The following TTLL12 variants were observed in gnomAD, a reference collection of about 807,000 sequenced individuals.
The protein encoded by TTLL12 is tubulin tyrosine ligase like 12.
In TTLL12, 77 loss-of-function variants were observed where a neutral mutation model predicts 79.6. That is an observed-to-expected ratio of 0.97 (90% CI 0.81 to 1.17). The LOEUF (loss-of-function observed/expected upper bound fraction) is 1.17, where lower values mean the gene tolerates loss of function less well. Ranked by LOEUF, TTLL12 falls within the 50% of genes most tolerant of loss-of-function variation. The probability of loss-of-function intolerance (pLI) is 0.00; values close to 1 mark genes in which losing one functional copy is unlikely to be tolerated. For missense variants in TTLL12, 969 were observed against 895.9 expected (o/e 1.08, Z -1.04); for synonymous variants, 437 against 376.1 (o/e 1.16, Z -1.87).
chr22:43,168,918 G>A lies in TTLL12; in HGVS notation c.1645-6C>T. On this transcript the variant is annotated splice_polypyrimidine_tract_variant and splice_region_variant and intron_variant, in intron 12 of 13. Coordinates refer to ENST00000216129, the MANE Select transcript of TTLL12 (RefSeq NM_015140.4). Reference sequence around the variant, plus strand: ...AAGGCCCGGAAGATCTCAGCCTGGGGACCGGGGAGCCTGAGTTACGAGGCC... The same window carrying A: ...AAGGCCCGGAAGATCTCAGCCTGGGAACCGGGGAGCCTGAGTTACGAGGCC... 1 of 1,607,608 alleles carries A rather than the reference G, an allele frequency of 6.2e-7. No individual in the cohort carries two copies.
At chr22:43,184,409 G>A (rs1169417388) in intron 1 of TTLL12, among the ~76,000 whole-genome samples, 1 of 152,228 alleles carries the variant, frequency 6.6e-6, no homozygotes, top group Admixed American at 6.5e-5. Context: ...GGGGCCTGGA[G>A]GGCCTGGGAA....
chr22:43,186,176 A>T (rs1487286437), intron 1 of TTLL12, among the ~76,000 whole-genome samples: 2 of 143,208 alleles, frequency 1.4e-5, no homozygotes, highest in Non-Finnish European at 3.0e-5. Context: ...GTCGGGTCCC[A>T]GCTAAAGAAA....
At chr22:43,176,512 G>A (rs1021068482) in intron 5 of TTLL12, 116 bp from the exon 6 acceptor site, 50 of 802,102 alleles carry the variant, frequency 6.2e-5, no homozygotes, top group Middle Eastern at 2.3e-4. Flanking sequence ...GGTGGATCAC[G>A]TGATGTCAGG....
chr22:43,182,933 C>G (rs759605915), intron 2 of TTLL12, 47 bp downstream of exon 2: 8 of 1,593,870 alleles, frequency 5.0e-6, no homozygotes, highest in Non-Finnish European at 6.9e-6. Context: ...CATCTCCCAC[C>G]TTTCACCAAG....
chr22:43,168,745 TG>T (rs1381485964), intron 13 of TTLL12, 28 bp downstream of exon 13: 2 of 1,548,078 alleles, frequency 1.3e-6, no homozygotes, highest in South Asian at 2.4e-5. Flanking sequence ...CCTGCTGGTT[TG>T]GATCAGGAGA....
intron 1 of TTLL12, among the ~76,000 whole-genome samples, chr22:43,186,688 G>C (rs1478816600): frequency 6.6e-6 from 1 of 152,168 alleles, no homozygotes; most frequent in East Asian, 1.9e-4. Context: ...CTCGGGCCCG[G>C]GCAGATCAGG....
intron 9 of TTLL12, among the ~76,000 whole-genome samples, chr22:43,173,454 G>A (rs1208941877): frequency 6.6e-6 from 1 of 152,202 alleles, no homozygotes; most frequent in Non-Finnish European, 1.5e-5. Flanking sequence ...GGGACTACAG[G>A]TGTGTGCCAA....
At position 43,174,354 on chromosome 22, in the gene TTLL12, C is replaced by A. The variant is rs577280161; in HGVS notation, c.1084G>T (p.Glu362Ter). 4 of 1,592,754 alleles carry A rather than the reference C, an allele frequency of 2.5e-6. No individual in the cohort carries two copies. Among genetic ancestry groups the A allele is most frequent in the Non-Finnish European group, 3.4e-6 (4 of 1,166,704 alleles). The change falls in exon 8 of 14, where the codon GAG (glutamate) becomes TAG (stop). Residue 362 changes from glutamate to a stop codon, truncating the protein, a stop_gained. Coordinates refer to ENST00000216129, the MANE Select transcript of TTLL12 (RefSeq NM_015140.4). LOFTEE classifies it high-confidence loss of function. Reference sequence around the variant, plus strand: ...CAGTCCTTGACAGTCAGCAGGTTCTCGCAGGGGAACTGGTTCAGCAGCACG... The same window carrying A: ...CAGTCCTTGACAGTCAGCAGGTTCTAGCAGGGGAACTGGTTCAGCAGCACG... ...PGVLLNQFPC[E>*]NLLTVKDCLA...
chr22:43,186,832 C>G (rs2146628818), intron 1 of TTLL12, 61 bp downstream of exon 1: 2 of 1,232,300 alleles, frequency 1.6e-6, no homozygotes, highest in South Asian at 5.9e-5. Context: ...TGTCCCGCGC[C>G]GCGGGCTCCC....
At chr22:43,186,803 G>A in intron 1 of TTLL12, 90 bp downstream of exon 1, 5 of 1,175,412 alleles carry the variant, frequency 4.3e-6, no homozygotes, top group Non-Finnish European at 5.3e-6. Context: ...GGCTCCCGCC[G>A]CCCGGGAGCG....
intron 5 of TTLL12, among the ~76,000 whole-genome samples, chr22:43,177,123 C>T (rs1018968772): frequency 1.1e-4 from 17 of 152,068 alleles, no homozygotes; most frequent in African/African-American, 4.1e-4. Flanking sequence ...AATCCCTGCA[C>T]TTTGGGAAGC....
chr22:43,176,525 C>A (rs1931917615), intron 5 of TTLL12, 129 bp from the exon 6 acceptor site: 2 of 742,362 alleles, frequency 2.7e-6, no homozygotes, highest in East Asian at 5.4e-5. Flanking sequence ...ATGTCAGGAG[C>A]TCGAGACCAG....
At chr22:43,172,917 C>T (rs1569484090) in intron 9 of TTLL12, among the ~76,000 whole-genome samples, 1 of 152,232 alleles carries the variant, frequency 6.6e-6, no homozygotes. Flanking sequence ...AGGCTGGTTT[C>T]GAACTCTTGA....
In TTLL12 at chr22:43,168,850, C is replaced by T. The variant is rs1931687252; in HGVS notation, c.1707G>A (p.Leu569=). The T allele has an allele frequency of 6.2e-7, 1 of 1,607,644 alleles. No homozygotes were observed. Among genetic ancestry groups the T allele is most frequent in the Non-Finnish European group, 8.5e-7 (1 of 1,177,518 alleles). ...GGGATGAGGGGTAGTCGCAGAGGCC[C>T]AGGGGTGGTGGCTTGGCACAGGCCA... The part of the protein sequence containing the change: ...FQVACAKPPP[L]GLCDYPSSRA... Residue 569 remains leucine, a synonymous_variant, in exon 13 of 14, where the codon CTG becomes CTA. Transcript: ENST00000216129.
At chr22:43,182,737 AC>A (rs1190979132) in intron 2 of TTLL12, among the ~76,000 whole-genome samples, 1 of 152,212 alleles carries the variant, frequency 6.6e-6, no homozygotes, top group Non-Finnish European at 1.5e-5. Flanking sequence ...GACCACTGTG[AC>A]AATGAGACCG....
intron 12 of TTLL12, 21 bp downstream of exon 12, chr22:43,169,479 G>A (rs760593604): frequency 1.3e-5 from 21 of 1,563,026 alleles, no homozygotes; most frequent in Non-Finnish European, 1.6e-5. Flanking sequence ...GGCCTGCGAT[G>A]GTGTGCAGGA....
intron 6 of TTLL12, among the ~76,000 whole-genome samples, chr22:43,175,839 A>ATTT (rs753447234): frequency 7.8e-6 from 1 of 128,378 alleles, no homozygotes. Context: ...TGCCCTACTA[A>ATTT]TTTTTTTTTT....
intron 9 of TTLL12, among the ~76,000 whole-genome samples, chr22:43,173,382 C>T (rs908246412): frequency 2.0e-5 from 3 of 152,204 alleles, no homozygotes; most frequent in Non-Finnish European, 2.9e-5. Flanking sequence ...GCGATCACAG[C>T]TCACTGCAGC....
intron 1 of TTLL12, among the ~76,000 whole-genome samples, chr22:43,186,255 G>A (rs1471875843): frequency 7.1e-6 from 1 of 140,900 alleles, no homozygotes; most frequent in Non-Finnish European, 1.5e-5. Flanking sequence ...TAAAAATCCA[G>A]GGCTCATCCC....
Sources: gnomAD v4.1 joint callset for allele counts (sites outside exome capture counted in the v4.1 genomes callset) on GRCh38, gnomAD v4.1.1 for gene constraint, MANE v1.5 for transcripts, NCBI Gene and HGNC (gene_info 2026-07-23, HGNC 2026-07-21) for gene names.